CYREN: variants seen among roughly 807,000 people sequenced by gnomAD.
CYREN encodes the protein cell cycle regulator of NHEJ.
In CYREN, 7 loss-of-function variants were observed where a neutral mutation model predicts 9.7. The ratio of observed to expected loss-of-function variants is 0.72; its 90% CI spans 0.41 to 1.36. CYREN has a LOEUF of 1.36. Ranked by LOEUF, CYREN falls within the 40% of genes most tolerant of loss-of-function variation. CYREN has a pLI of 0.01. For missense variants in CYREN, 215 were observed against 198.1 expected, an observed-to-expected ratio of 1.09 and a Z score of -0.51; for synonymous variants, 76 against 77.9, an observed-to-expected ratio of 0.98 and a Z score of 0.13.
At chr7:135,129,182 T>C in intron 2 of CYREN, 2 of 1,420,270 alleles carry the variant, frequency 1.4e-6, no homozygotes, top group Non-Finnish European at 2.0e-6. Context: ...TGATGGCAGA[T>C]GTGGTGTACT....
chr7:135,098,807 T>C (rs1823320186), intron 2 of CYREN, among the ~76,000 whole-genome samples: 1 of 152,184 alleles, frequency 6.6e-6, no homozygotes, highest in Admixed American at 6.5e-5. Flanking sequence ...CTAAGAAATA[T>C]GTCATTGTTA....
intron 2 of CYREN, among the ~76,000 whole-genome samples, chr7:135,112,695 T>C (rs1426705124): frequency 1.3e-5 from 2 of 152,238 alleles, no homozygotes; most frequent in South Asian, 2.1e-4. Context: ...TCTTAACATA[T>C]TGAAGGCAGG....
Position 135,129,768 on chromosome 7 carries a change from G to T in CYREN, n.357-35186C>A, listed in dbSNP as rs189692460. 1.3e-3 allele frequency: 830 copies of T among 642,204 alleles called. 5 individuals are homozygous for T. Among genetic ancestry groups the T allele is most frequent in the Middle Eastern group, 9.6e-3 (20 of 2,088 alleles). The allele number at this position is 642,204 out of a possible 1,614,324, so 39.8% of individuals were successfully genotyped here. On this transcript the variant is annotated intron_variant and non_coding_transcript_variant, in intron 2 of 2. Coordinates refer to the CYREN transcript ENST00000459937. Reference sequence around the variant, plus strand: ...TCAAGTACACAAAGTAACCCTGCAGGATATTTAGGGTACTACTCATTCAGT... The same window carrying T: ...TCAAGTACACAAAGTAACCCTGCAGTATATTTAGGGTACTACTCATTCAGT...
chr7:135,105,637 T>C (rs777280589), intron 2 of CYREN, among the ~76,000 whole-genome samples: 7 of 152,362 alleles, frequency 4.6e-5, no homozygotes, highest in Non-Finnish European at 1.0e-4. Context: ...ACTATAGCCC[T>C]ATAATATAGT....
At chr7:135,133,953 GA>G (rs560925837) in intron 2 of CYREN, among the ~76,000 whole-genome samples, 4 of 147,342 alleles carry the variant, frequency 2.7e-5, no homozygotes, top group South Asian at 2.1e-4. Context: ...ATTACTCTGA[GA>G]AAAAAAAAAG....
chr7:135,105,192 C>T (rs1395254915), intron 2 of CYREN, among the ~76,000 whole-genome samples: 3 of 151,692 alleles, frequency 2.0e-5, no homozygotes. Flanking sequence ...GCCTCAGCCT[C>T]CCCAGTCGCT....
At chr7:135,162,486 T>C (rs1324335822), downstream of CYREN, among the ~76,000 whole-genome samples, 1 of 152,244 alleles carries the variant, frequency 6.6e-6, no homozygotes, top group Non-Finnish European at 1.5e-5. Context: ...AGAGGTTTAA[T>C]GGACTCATAG....
downstream of CYREN, among the ~76,000 whole-genome samples, chr7:135,161,341 T>C (rs1262047032): frequency 6.6e-6 from 1 of 152,252 alleles, no homozygotes; most frequent in Admixed American, 6.5e-5. This position sits in a 1 kb window ranked among gnomAD's most constrained non-coding sequence, Gnocchi z 4.1. Context: ...TTAATAATTT[T>C]TTTTGGAACC....
chr7:135,096,151 C>CAAAAA (rs201040922), intron 2 of CYREN, among the ~76,000 whole-genome samples: 3 of 147,824 alleles, frequency 2.0e-5, no homozygotes, highest in African/African-American at 5.0e-5. Context: ...GACTCTCTCT[C>CAAAAA]AAAAAAAAAA....
chr7:135,147,733 C>A, intron 2 of CYREN: 2 of 455,684 alleles, frequency 4.4e-6, no homozygotes, highest in Non-Finnish European at 8.8e-6. Flanking sequence ...GTCCTGACTG[C>A]CACACTGGCT....
chr7:135,127,582 C>A (rs1430786093), intron 2 of CYREN, among the ~76,000 whole-genome samples: 5 of 150,940 alleles, frequency 3.3e-5, no homozygotes, highest in Non-Finnish European at 7.4e-5. Flanking sequence ...CATCACTGAT[C>A]ACACTGATCA....
Position 135,149,195 on chromosome 7 carries a change from T to C in CYREN, n.356+19554A>G, listed in dbSNP as rs142566601. Among the ~76,000 whole-genome samples the C allele has an allele frequency of 2.2e-3, 330 of 152,354 alleles. 1 individual carries two copies. Among genetic ancestry groups the C allele is most frequent in the African/African-American group, 7.4e-3 (306 of 41,590 alleles). On this transcript the variant is annotated intron_variant and non_coding_transcript_variant, in intron 2 of 2. Transcript: ENST00000459937. Reference sequence around the variant, plus strand: ...TGCCTGTTTTATAAATTTCTTTTTTTTTCATAAATGTAGCACATAATTCTA... The same window carrying C: ...TGCCTGTTTTATAAATTTCTTTTTTCTTCATAAATGTAGCACATAATTCTA...
At chr7:135,135,239 T>C (rs1829291990) in intron 2 of CYREN, 2 of 1,528,374 alleles carry the variant, frequency 1.3e-6, no homozygotes, top group African/African-American at 2.8e-5. Flanking sequence ...ACCTTATATC[T>C]GAAGTTCCAA....
chr7:135,118,371 C>A (rs1048417268), intron 2 of CYREN, among the ~76,000 whole-genome samples: 1 of 152,034 alleles, frequency 6.6e-6, no homozygotes, highest in Non-Finnish European at 1.5e-5. Context: ...TAGACCCCAC[C>A]CCAATCTCAA....
chr7:135,141,180 A>G (rs1233297829), intron 2 of CYREN, among the ~76,000 whole-genome samples: 1 of 151,900 alleles, frequency 6.6e-6, no homozygotes, highest in African/African-American at 2.4e-5. Context: ...ATGAATCTGT[A>G]TGGTCCAGGG....
At chr7:135,112,063 G>A (rs1385735170) in intron 2 of CYREN, among the ~76,000 whole-genome samples, 1 of 152,106 alleles carries the variant, frequency 6.6e-6, no homozygotes, top group African/African-American at 2.4e-5. Flanking sequence ...TCCTAATGTT[G>A]TACACTTCTG....
At chr7:135,102,580 C>T (rs577490727) in intron 2 of CYREN, among the ~76,000 whole-genome samples, 8 of 149,836 alleles carry the variant, frequency 5.3e-5, no homozygotes, top group Non-Finnish European at 1.2e-4. Flanking sequence ...AAATTTTCAC[C>T]AAGAGTACTT....
At chr7:135,164,450 C>T (rs759967875), downstream of CYREN, 11 of 1,598,682 alleles carry the variant, frequency 6.9e-6, no homozygotes, top group East Asian at 2.5e-4. Context: ...AGATGGCCGG[C>T]CCAAGGCCTC....
rs765534894 is a variant in CYREN, at chr7:135,168,768, T to A, written c.137+18A>T. ...ACTTGCCAGATTCGCAGGAGTCTTC[T>A]GACCAGAGCTGTCGCACCTTGCTGC... is the stretch of plus-strand genomic sequence containing the variant. On this transcript the variant is annotated intron_variant, in intron 2 of 3. Coordinates refer to ENST00000393114, the MANE Select transcript of CYREN (RefSeq NM_024033.4). The A allele has an allele frequency of 9.9e-6, 16 of 1,611,598 alleles. No individual in the cohort carries two copies. The Admixed American group carries it at 2.7e-4, about 27-fold the overall frequency.
Sources: allele counts gnomAD v4.1 joint callset (sites outside exome capture counted in the v4.1 genomes callset), GRCh38; gene constraint gnomAD v4.1.1; non-coding constraint Gnocchi (gnomAD v3.1); transcripts MANE v1.5; gene names NCBI Gene and HGNC (gene_info 2026-07-23, HGNC 2026-07-21).